Variants in DLG2 observed in about 807,000 individuals in gnomAD.
DLG2 encodes disks large homolog 2.
DLG2 carries 45 observed loss-of-function variants against 132.5 expected under a neutral mutation model. That is an observed-to-expected ratio of 0.34 (90% CI 0.27 to 0.44). DLG2 has a LOEUF of 0.44. Among genes scored for constraint, DLG2 ranks in the 20% least tolerant of loss-of-function variants. The pLI is 1.00. For synonymous variants in DLG2, 424 were observed against 419.6 expected, an observed-to-expected ratio of 1.01 and a Z score of -0.13; for missense variants, 1,045 against 1,196.9, an observed-to-expected ratio of 0.87 and a Z score of 1.87.
rs141270545 is a variant in DLG2, at chr11:83,680,667, C to T, written c.1826-47342G>A. 4.1e-4 allele frequency among the ~76,000 whole-genome samples: 63 copies of T among 152,000 alleles called. 1 individual carries two copies. In the East Asian group the frequency reaches 7.1e-3, roughly 17 times the overall value. ...TTTAAGCAGAACTTATTCAGAGAAA[C>T]GGAAAATATGGAAAAGCTATTTATG... On this transcript the variant is annotated intron_variant, in intron 18 of 27. Coordinates refer to ENST00000376104, the MANE Select transcript of DLG2 (RefSeq NM_001142699.3).
intron 6 of DLG2, among the ~76,000 whole-genome samples, chr11:85,007,505 A>AT (rs1259516118): frequency 6.6e-6 from 1 of 151,434 alleles, no homozygotes; most frequent in African/African-American, 2.4e-5. Flanking sequence ...CTAAAAAAAA[A>AT]CACAAAAAAA....
chr11:84,506,591 T>C (rs893893820), intron 7 of DLG2, among the ~76,000 whole-genome samples: 6 of 152,174 alleles, frequency 3.9e-5, no homozygotes, highest in African/African-American at 1.2e-4. Flanking sequence ...CTTCAGAACA[T>C]AGCCCTTCAG....
intron 19 of DLG2, among the ~76,000 whole-genome samples, chr11:83,596,964 A>G (rs1049181402): frequency 6.6e-6 from 1 of 152,048 alleles, no homozygotes; most frequent in African/African-American, 2.4e-5. Flanking sequence ...CCTCACTGTC[A>G]TCAGATTTTT....
chr11:85,303,468 A>G (rs2079736252), intron 3 of DLG2, among the ~76,000 whole-genome samples: 1 of 152,352 alleles, frequency 6.6e-6, no homozygotes, highest in South Asian at 2.1e-4. Context: ...AATTCAATAA[A>G]TATTTATTAA....
intron 6 of DLG2, among the ~76,000 whole-genome samples, chr11:84,977,716 C>T (rs1283507393): frequency 6.6e-6 from 1 of 152,144 alleles, no homozygotes; most frequent in Non-Finnish European, 1.5e-5. Context: ...ACCCACTTCT[C>T]CTCATTTCCT....
chr11:83,980,451 C>T, intron 12 of DLG2, 55 bp downstream of exon 12: 1 of 1,565,448 alleles, frequency 6.4e-7, no homozygotes, highest in South Asian at 1.2e-5. Flanking sequence ...CAGTCATACA[C>T]TGGAAAACAA....
intron 8 of DLG2, among the ~76,000 whole-genome samples, chr11:84,203,443 G>A (rs954003931): frequency 2.4e-4 from 36 of 152,094 alleles, no homozygotes; most frequent in African/African-American, 7.5e-4. Flanking sequence ...TTAGCTGGGC[G>A]TGGTGGCGGG....
At chr11:83,590,940 G>T (rs959231808) in intron 19 of DLG2, among the ~76,000 whole-genome samples, 375 of 151,520 alleles carry the variant, frequency 2.5e-3, no homozygotes, top group African/African-American at 8.8e-3. Flanking sequence ...GACTAAACCA[G>T]GAAGAAGTTG....
intron 6 of DLG2, among the ~76,000 whole-genome samples, chr11:84,859,238 GAT>G (rs975255569): frequency 2.1e-4 from 32 of 149,320 alleles, no homozygotes; most frequent in African/African-American, 7.6e-4. Flanking sequence ...CCAATAGGAG[GAT>G]ATGTGTATAT....
intron 7 of DLG2, among the ~76,000 whole-genome samples, chr11:84,420,090 A>G (rs1167403991): frequency 6.6e-6 from 1 of 152,228 alleles, no homozygotes; most frequent in Non-Finnish European, 1.5e-5. Context: ...CACACAGAAT[A>G]AACAGAAACA....
intron 5 of DLG2, among the ~76,000 whole-genome samples, chr11:85,120,449 A>C (rs1250874914): frequency 6.6e-6 from 1 of 152,108 alleles, no homozygotes; most frequent in African/African-American, 2.4e-5. Context: ...TTCAAAACAA[A>C]GAAAGGGAGG....
At chr11:85,122,961 ATATATATATTTTTTTTT>A (rs1215792771) in intron 5 of DLG2, among the ~76,000 whole-genome samples, 5 of 53,186 alleles carry the variant, frequency 9.4e-5, no homozygotes, top group African/African-American at 3.6e-4. Context: ...ATATATATAT[ATATATATATTTTTTTTT>A]TTTTTTTTTT....
chr11:84,204,134 T>C (rs2096634487), intron 8 of DLG2, among the ~76,000 whole-genome samples: 1 of 151,950 alleles, frequency 6.6e-6, no homozygotes, highest in Non-Finnish European at 1.5e-5. Context: ...ATTTTGTACT[T>C]TTAGTAGAGA....
rs531198246 is a variant in DLG2, at chr11:84,415,162, T to C, written c.519+119408A>G. ...GTTATTCTAAGAAGATTTACTGTGG[T>C]ATTGTCACATATCAGAACTTGTTCT... On this transcript the variant is annotated intron_variant, in intron 7 of 27. Transcript: ENST00000376104. Among the ~76,000 whole-genome samples the C allele has an allele frequency of 3.4e-4, 52 of 152,298 alleles. 1 individual carries two copies. In the South Asian group the frequency reaches 0.01, roughly 30 times the overall value.
chr11:84,707,775 A>G (rs185681240), intron 6 of DLG2, among the ~76,000 whole-genome samples: 51 of 151,956 alleles, frequency 3.4e-4, no homozygotes, highest in African/African-American at 1.2e-3. Context: ...CTGGCTTTCA[A>G]GATTTGACTA....
intron 6 of DLG2, among the ~76,000 whole-genome samples, chr11:85,066,257 T>C (rs1392833123): frequency 6.6e-6 from 1 of 151,274 alleles, no homozygotes; most frequent in Non-Finnish European, 1.5e-5. Context: ...GGAAGAAATA[T>C]AAATCCTAAG....
chr11:84,291,673 G>T (rs2098000733), intron 7 of DLG2, among the ~76,000 whole-genome samples: 1 of 152,102 alleles, frequency 6.6e-6, no homozygotes, highest in Non-Finnish European at 1.5e-5. Context: ...AGGCACAAGG[G>T]TTCATGTAAA....
At chr11:84,719,654 C>T (rs1238414603) in intron 6 of DLG2, among the ~76,000 whole-genome samples, 1 of 152,164 alleles carries the variant, frequency 6.6e-6, no homozygotes, top group Non-Finnish European at 1.5e-5. Context: ...TCTGGGAACA[C>T]CAATCACCTT....
Position 84,359,898 on chromosome 11 carries a change from A to G in DLG2, c.520-108607T>C, listed in dbSNP as rs146934272. On this transcript the variant is annotated intron_variant, in intron 7 of 27. Coordinates refer to ENST00000376104, the MANE Select transcript of DLG2 (RefSeq NM_001142699.3). ...GCAATTCAGTTCATCGAACTCTGAT[A>G]ATTTACATTTTACAGTAAATTTCCT... Among the ~76,000 whole-genome samples the G allele has an allele frequency of 2.0e-3, 310 of 152,076 alleles. 11 individuals are homozygous for G. The East Asian group carries it at 0.056, about 27-fold the overall frequency.
Sources: gnomAD v4.1 joint callset for allele counts (sites outside exome capture counted in the v4.1 genomes callset) on GRCh38, gnomAD v4.1.1 for gene constraint, MANE v1.5 for transcripts, NCBI Gene and HGNC (gene_info 2026-07-23, HGNC 2026-07-21) for gene names.